The following MAST2 variants were observed in gnomAD, a reference collection of about 807,000 sequenced individuals.
The protein encoded by MAST2 is microtubule-associated serine/threonine-protein kinase 2.
In MAST2, 70 loss-of-function variants were observed where a neutral mutation model predicts 147.4. That is an observed-to-expected ratio of 0.47 (90% CI 0.39 to 0.58). The LOEUF is 0.58. Among genes scored for constraint, MAST2 ranks in the 20% least tolerant of loss-of-function variants. MAST2 has a pLI of 0.00. For missense variants in MAST2, 2,080 were observed against 2,302.3 expected (o/e 0.90, Z 1.98); for synonymous variants, 869 against 896.8 (o/e 0.97, Z 0.55).
chr1:46,032,325 A>G lies in MAST2; in HGVS notation c.3335A>G (p.Lys1112Arg). The G allele has an allele frequency of 6.2e-7, 1 of 1,614,194 alleles. No homozygotes were observed. The highest frequency in any genetic ancestry group is 1.1e-5 in the South Asian group (1 of 91,080). The part of the protein sequence containing the change: ...RPPIIIHRAG[K>R]KYGFTLRAIR... ...CCCATCATCATCCACCGAGCTGGCA[A>G]GAAGTATGGCTTCACCCTGCGGGCC... The change falls in exon 25 of 29, where the codon AAG (lysine) becomes AGG (arginine). Residue 1112 changes from lysine (K) to arginine (R), a missense_variant. By Grantham distance (26) the Lys-to-Arg change is conservative. Coordinates refer to ENST00000361297, the MANE Select transcript of MAST2 (RefSeq NM_015112.3).
At chr1:45,989,077 T>G (rs1571092769) in intron 5 of MAST2, among the ~76,000 whole-genome samples, 2 of 152,322 alleles carry the variant, frequency 1.3e-5, no homozygotes, top group Middle Eastern at 3.4e-3. Flanking sequence ...ATAGTATTAG[T>G]ATGTATACTA....
In MAST2 at chr1:45,824,579, G is replaced by A. The variant is rs756191185; in HGVS notation, c.324G>A (p.Ser108=). 30 of 1,583,748 alleles carry A rather than the reference G, an allele frequency of 1.9e-5. No individual in the cohort carries two copies. The Middle Eastern group carries it at 1.5e-3, about 80-fold the overall frequency. Residue 108 remains serine (S), a splice_region_variant and synonymous_variant, in exon 2 of 29, where the codon TCG becomes TCA. Transcript: ENST00000361297. ...LWRGNLASSL[S]GKQLLPLSSS... ...GAGGAAACCTGGCCAGCTCTCTATC[G>A]GGTAAATATCTGATTTTGTTGTTTT...
intron 4 of MAST2, among the ~76,000 whole-genome samples, chr1:45,885,042 T>C (rs935584912): frequency 7.9e-5 from 12 of 152,144 alleles, no homozygotes; most frequent in African/African-American, 2.7e-4. Flanking sequence ...AAACAAATAT[T>C]TGAATAAGTT....
chr1:45,918,645 C>T (rs1570710726), intron 4 of MAST2, among the ~76,000 whole-genome samples: 1 of 151,906 alleles, frequency 6.6e-6, no homozygotes, highest in South Asian at 2.1e-4. Flanking sequence ...ACCATATTGA[C>T]CAGGCTGATC....
chr1:45,822,962 G>A (rs913824545), intron 1 of MAST2, among the ~76,000 whole-genome samples: 5 of 152,100 alleles, frequency 3.3e-5, no homozygotes, highest in Non-Finnish European at 7.4e-5. Flanking sequence ...TAGGTGCCTG[G>A]ACACATCAAT....
At chr1:46,009,473 G>C (rs1645626244) in intron 9 of MAST2, among the ~76,000 whole-genome samples, 1 of 152,242 alleles carries the variant, frequency 6.6e-6, no homozygotes, top group Non-Finnish European at 1.5e-5. Flanking sequence ...GTGCCCTGTG[G>C]TCTGTGCTTT....
Position 46,034,601 on chromosome 1 carries a change from C to G in MAST2, c.3932C>G (p.Ser1311Cys). 7 of 1,614,138 alleles carry G rather than the reference C, an allele frequency of 4.3e-6. No individual in the cohort carries two copies. The highest frequency in any genetic ancestry group is 5.9e-6 in the Non-Finnish European group (7 of 1,180,030). Residue 1311 changes from serine to cysteine, a missense_variant, in exon 29 of 29, where the codon TCT becomes TGT. This residue lies in a region of MAST2 where 1,278 missense variants were observed against 1,304.2 expected (regional missense o/e 0.98). Coordinates refer to ENST00000361297, the MANE Select transcript of MAST2 (RefSeq NM_015112.3). Reference sequence around the variant, plus strand: ...AGCGTGCCCAGTTCCCCAGCCGGCTCTGGGCACACACGGCCCAGCTCCCTC... The same window carrying G: ...AGCGTGCCCAGTTCCCCAGCCGGCTGTGGGCACACACGGCCCAGCTCCCTC... Reference protein sequence around the residue: ...SSSVPSSPAGSGHTRPSSLHG... With the variant: ...SSSVPSSPAGCGHTRPSSLHG...
chr1:46,014,320 C>A (rs200093780), intron 10 of MAST2, among the ~76,000 whole-genome samples: 8 of 92,422 alleles, frequency 8.7e-5, no homozygotes, highest in African/African-American at 3.2e-4. Flanking sequence ...TGCTATCCCT[C>A]CCCCCTCCCC....
intron 4 of MAST2, among the ~76,000 whole-genome samples, chr1:45,896,065 G>A (rs911891638): frequency 2.8e-5 from 4 of 143,396 alleles, no homozygotes; most frequent in African/African-American, 7.8e-5. Flanking sequence ...TTTTGAGACC[G>A]AGTCTTGCTC....
intron 5 of MAST2, among the ~76,000 whole-genome samples, chr1:45,988,634 C>A (rs1412180524): frequency 6.6e-6 from 1 of 152,186 alleles, no homozygotes; most frequent in Non-Finnish European, 1.5e-5. Context: ...TGTTCTACAT[C>A]CTCACTGATC....
At chr1:45,805,052 A>ATTT (rs10681055) in intron 1 of MAST2, among the ~76,000 whole-genome samples, 20,487 of 143,510 alleles carry the variant, frequency 0.14, 1,858 homozygotes, top group Non-Finnish European at 0.18. Flanking sequence ...TTCCTTAGAC[A>ATTT]TTTTTTTTTT....
At chr1:45,979,663 A>G (rs1041657429) in intron 5 of MAST2, among the ~76,000 whole-genome samples, 2 of 152,128 alleles carry the variant, frequency 1.3e-5, no homozygotes, top group East Asian at 1.9e-4. Context: ...CATCTCTTCC[A>G]AAAATTAAAA....
intron 5 of MAST2, among the ~76,000 whole-genome samples, chr1:45,984,386 G>A (rs1012071116): frequency 2.6e-5 from 4 of 151,062 alleles, no homozygotes; most frequent in African/African-American, 4.9e-5. Context: ...TCACTGCAGC[G>A]TTGACCTCCT....
chr1:45,833,257 T>C (rs1301997218), intron 3 of MAST2, among the ~76,000 whole-genome samples: 1 of 152,190 alleles, frequency 6.6e-6, no homozygotes, highest in Non-Finnish European at 1.5e-5. Flanking sequence ...GGCTTATTTT[T>C]CCCATATATG....
In MAST2 at chr1:46,033,927, T is replaced by A. The variant is rs56060730; in HGVS notation, c.3663T>A (p.Asp1221Glu). The A allele has an allele frequency of 1.4e-5, 23 of 1,614,026 alleles. No individual in the cohort carries two copies. The East Asian group carries it at 4.9e-4, about 34-fold the overall frequency. The change falls in exon 27 of 29, where the codon GAT (aspartate) becomes GAA (glutamate). Residue 1221 changes from aspartate to glutamate, a missense_variant. Around this residue, in one of 4 missense-constraint regions of MAST2, gnomAD observed 1,278 missense variants for 1,304.2 expected, o/e 0.98. Coordinates refer to ENST00000361297, the MANE Select transcript of MAST2 (RefSeq NM_015112.3). ...GGAGCAAGAGGAGCCGCGGCAAGGATGGGCAAGAAAGGTGAGCCAGGCGCA... is the reference window on the plus strand; with the variant it reads ...GGAGCAAGAGGAGCCGCGGCAAGGAAGGGCAAGAAAGGTGAGCCAGGCGCA... ...ARRSKRSRGK[D>E]GQESRKRSSL...
In MAST2 at chr1:45,948,064, C is replaced by T. The variant is rs557422446; in HGVS notation, c.501-11322C>T. 5.9e-5 allele frequency among the ~76,000 whole-genome samples: 9 copies of T among 152,290 alleles called. No individual in the cohort carries two copies. In the East Asian group the frequency reaches 1.2e-3, roughly 20 times the overall value. On this transcript the variant is annotated intron_variant, in intron 4 of 28. Transcript: ENST00000361297. ...ACAACTTCAGCAAAGTTTCAGGATA[C>T]AAAATCAATCACTAGCAGAAAGCAC... is the stretch of plus-strand genomic sequence containing the variant.
intron 4 of MAST2, among the ~76,000 whole-genome samples, chr1:45,948,108 A>G (rs867146166): frequency 3.9e-5 from 6 of 152,358 alleles, no homozygotes; most frequent in East Asian, 1.9e-4. Context: ...CTATCCGCCA[A>G]CAGCAGCCAG....
At chr1:45,849,525 CTTTTCT>C (rs1168432407) in intron 3 of MAST2, among the ~76,000 whole-genome samples, 1,532 of 69,772 alleles carry the variant, frequency 0.022, 23 homozygotes, top group African/African-American at 0.057. Flanking sequence ...TGGACCCCCT[CTTTTCT>C]TTTTTTTTTT....
At chr1:45,925,320 T>A (rs1218833962) in intron 4 of MAST2, among the ~76,000 whole-genome samples, 1 of 152,228 alleles carries the variant, frequency 6.6e-6, no homozygotes, top group Non-Finnish European at 1.5e-5. Context: ...TGCTAGCTCT[T>A]AAGTGTCTCA....
Sources: allele counts gnomAD v4.1 joint callset (sites outside exome capture counted in the v4.1 genomes callset), GRCh38; gene constraint gnomAD v4.1.1; regional missense constraint gnomAD v4.1.1; transcripts MANE v1.5; gene names NCBI Gene and HGNC (gene_info 2026-07-23, HGNC 2026-07-21).